HPSE2: variants seen among roughly 807,000 people sequenced by gnomAD.
HPSE2 encodes heparanase 2 (inactive), also known as inactive heparanase-2.
HPSE2 carries 38 observed loss-of-function variants against 60.5 expected under a neutral mutation model. The observed-to-expected ratio is 0.63, with a 90% CI of 0.48 to 0.82. The LOEUF (loss-of-function observed/expected upper bound fraction) is 0.82, where lower values mean the gene tolerates loss of function less well. Among genes scored for constraint, HPSE2 ranks in the 40% least tolerant of loss-of-function variants. The pLI is 0.00. For missense variants in HPSE2, 713 were observed against 740.4 expected, an observed-to-expected ratio of 0.96 and a Z score of 0.43; for synonymous variants, 295 against 293.2, an observed-to-expected ratio of 1.01 and a Z score of -0.06.
At chr10:99,029,434 G>A (rs1015186950) in intron 3 of HPSE2, among the ~76,000 whole-genome samples, 3 of 152,084 alleles carry the variant, frequency 2.0e-5, no homozygotes, top group East Asian at 1.9e-4. Context: ...CCACCAATGC[G>A]CAGAGACCGG....
At chr10:99,060,833 A>C (rs1189407014) in intron 3 of HPSE2, among the ~76,000 whole-genome samples, 1 of 152,098 alleles carries the variant, frequency 6.6e-6, no homozygotes, top group Admixed American at 6.6e-5. Context: ...GGTGAAATAA[A>C]CCAGGAACAG....
intron 8 of HPSE2, among the ~76,000 whole-genome samples, 176 bp downstream of exon 8, chr10:98,620,426 C>G (rs1389236251): frequency 2.0e-5 from 3 of 152,154 alleles, no homozygotes; most frequent in Admixed American, 1.3e-4. Flanking sequence ...ATTTTAATAT[C>G]TAGAGAAGGT....
chr10:98,889,840 TG>T (rs112196209), intron 3 of HPSE2, among the ~76,000 whole-genome samples: 39 of 152,116 alleles, frequency 2.6e-4, no homozygotes, highest in African/African-American at 9.2e-4. Flanking sequence ...GAACGGAGGA[TG>T]GGGGGGATGC....
chr10:98,838,962 A>G (rs938134777), intron 3 of HPSE2, among the ~76,000 whole-genome samples: 2 of 152,196 alleles, frequency 1.3e-5, no homozygotes, highest in South Asian at 2.1e-4. Flanking sequence ...ATGATCTAGT[A>G]CAAATTTAAA....
chr10:98,833,294 T>A (rs1213740563), intron 3 of HPSE2, among the ~76,000 whole-genome samples: 2 of 152,118 alleles, frequency 1.3e-5, no homozygotes, highest in African/African-American at 4.8e-5. Flanking sequence ...GACCTGACAA[T>A]CCAAGGTGAA....
At chr10:98,560,317 C>T (rs1460055184) in intron 9 of HPSE2, among the ~76,000 whole-genome samples, 1 of 152,172 alleles carries the variant, frequency 6.6e-6, no homozygotes. Flanking sequence ...TCCTGATAAG[C>T]CAGGGGTCTC....
intron 3 of HPSE2, among the ~76,000 whole-genome samples, chr10:98,866,050 A>T (rs1404512975): frequency 6.6e-6 from 1 of 152,174 alleles, no homozygotes; most frequent in East Asian, 1.9e-4. Context: ...AGTCAAGAAA[A>T]CATGACTCAT....
intron 3 of HPSE2, among the ~76,000 whole-genome samples, chr10:99,019,715 T>C (rs1957219565): frequency 2.1e-5 from 3 of 143,452 alleles, no homozygotes; most frequent in African/African-American, 5.6e-5. Context: ...AGTTTTTTGT[T>C]GTTTTTTTTT....
intron 3 of HPSE2, among the ~76,000 whole-genome samples, chr10:99,093,138 GAATC>G (rs1843576800): frequency 6.6e-6 from 1 of 152,006 alleles, no homozygotes; most frequent in Non-Finnish European, 1.5e-5. Context: ...TGAGGCAGGG[GAATC>G]ACTTGAACCC....
At chr10:98,870,645 T>C (rs1952707477) in intron 3 of HPSE2, among the ~76,000 whole-genome samples, 1 of 152,196 alleles carries the variant, frequency 6.6e-6, no homozygotes, top group South Asian at 2.1e-4. Context: ...GTTTATACCC[T>C]GGCTCGGACA....
At chr10:99,014,940 T>C (rs1957104136) in intron 3 of HPSE2, among the ~76,000 whole-genome samples, 1 of 152,002 alleles carries the variant, frequency 6.6e-6, no homozygotes, top group Non-Finnish European at 1.5e-5. Flanking sequence ...AGGGCTAATA[T>C]CCAGAATCTA....
chr10:99,267,720 C>T, the HPSE2 span, among the ~76,000 whole-genome samples: 5 of 149,072 alleles, frequency 3.4e-5, no homozygotes, highest in African/African-American at 1.2e-4. Flanking sequence ...GCGGAGGTTG[C>T]AGTGAGCCAA....
At chr10:99,136,680 A>T (rs1191350359) in intron 3 of HPSE2, among the ~76,000 whole-genome samples, 1 of 152,184 alleles carries the variant, frequency 6.6e-6, no homozygotes, top group Non-Finnish European at 1.5e-5. Flanking sequence ...GCCTTTGACA[A>T]AATTCAACAC....
intron 2 of HPSE2, among the ~76,000 whole-genome samples, chr10:99,201,127 A>G (rs1419305946): frequency 1.3e-5 from 2 of 148,834 alleles, no homozygotes; most frequent in East Asian, 2.0e-4. Context: ...TCAGTTTATA[A>G]GCATTATTTG....
chr10:98,979,197 C>A (rs773483663), intron 3 of HPSE2, among the ~76,000 whole-genome samples: 16 of 152,212 alleles, frequency 1.1e-4, no homozygotes, highest in African/African-American at 3.6e-4. Context: ...GGTAAACCTT[C>A]CTTCAGGCAC....
chr10:99,252,473 G>A, the HPSE2 span, among the ~76,000 whole-genome samples: 1 of 152,102 alleles, frequency 6.6e-6, no homozygotes, highest in Non-Finnish European at 1.5e-5. Flanking sequence ...CTTTGGCAAT[G>A]TTTCAGGATA....
chr10:99,006,353 C>T (rs2135387440), intron 3 of HPSE2, among the ~76,000 whole-genome samples: 1 of 152,260 alleles, frequency 6.6e-6, no homozygotes. Flanking sequence ...ACAAGGACTG[C>T]CCTGGAGGAT....
intron 7 of HPSE2, among the ~76,000 whole-genome samples, chr10:98,626,207 G>A (rs1946209623): frequency 6.6e-6 from 1 of 152,090 alleles, no homozygotes; most frequent in Non-Finnish European, 1.5e-5. Flanking sequence ...GGTAGTCATG[G>A]AGGTGGGGGG....
At chr10:98,522,333 C>A (rs1040723204) in intron 9 of HPSE2, among the ~76,000 whole-genome samples, 2 of 151,540 alleles carry the variant, frequency 1.3e-5, no homozygotes, top group African/African-American at 4.9e-5. Context: ...TCTTTGTTCC[C>A]CACCATCCAC....
Sources: gnomAD v4.1 joint callset for allele counts (sites outside exome capture counted in the v4.1 genomes callset) on GRCh38, gnomAD v4.1.1 for gene constraint, MANE v1.5 for transcripts, NCBI Gene and HGNC (gene_info 2026-07-23, HGNC 2026-07-21) for gene names.